The following PLCB1 variants were observed in gnomAD, a reference collection of about 807,000 sequenced individuals.
PLCB1 encodes the protein phospholipase C beta 1.
In PLCB1, 46 loss-of-function variants were observed where a neutral mutation model predicts 161.8. That is an observed-to-expected ratio of 0.28 (90% confidence interval 0.22 to 0.36). PLCB1 has a LOEUF of 0.36. Ranked by LOEUF, PLCB1 falls within the 10% of genes least tolerant of loss-of-function variation. The pLI is 1.00. For missense variants in PLCB1, 1,016 were observed against 1,472.5 expected (o/e 0.69, Z 5.07); for synonymous variants, 517 against 503.7 (o/e 1.03, Z -0.35).
chr20:8,190,821 C>A (rs1438039236), intron 2 of PLCB1, among the ~76,000 whole-genome samples: 1 of 152,098 alleles, frequency 6.6e-6, no homozygotes, highest in African/African-American at 2.4e-5. Context: ...GTGCAGTTCA[C>A]TCAAGGTCAT....
chr20:8,299,449 T>G (rs1983794121), intron 2 of PLCB1, among the ~76,000 whole-genome samples: 1 of 152,048 alleles, frequency 6.6e-6, no homozygotes, highest in Admixed American at 6.6e-5. Flanking sequence ...ACTCTCCCAT[T>G]CTCAATCAAC....
intron 2 of PLCB1, among the ~76,000 whole-genome samples, chr20:8,307,236 A>G (rs1984173287): frequency 6.6e-6 from 1 of 152,356 alleles, no homozygotes; most frequent in Non-Finnish European, 1.5e-5. Flanking sequence ...GGGTGCAGGC[A>G]GGGCATTCTG....
At chr20:8,416,267 G>A (rs895698540) in intron 3 of PLCB1, among the ~76,000 whole-genome samples, 2 of 152,140 alleles carry the variant, frequency 1.3e-5, no homozygotes, top group Non-Finnish European at 2.9e-5. Context: ...ATTTATTTAT[G>A]ATTATCTGAA....
At chr20:8,415,199 T>C (rs1979217161) in intron 3 of PLCB1, among the ~76,000 whole-genome samples, 1 of 152,214 alleles carries the variant, frequency 6.6e-6, no homozygotes, top group South Asian at 2.1e-4. Flanking sequence ...GATTGATCTG[T>C]TGATTTTCCC....
chr20:8,442,975 T>G (rs28480279), intron 3 of PLCB1, among the ~76,000 whole-genome samples: 190 of 130,218 alleles, frequency 1.5e-3, no homozygotes, highest in African/African-American at 3.2e-3. Flanking sequence ...GAGTTTCTTG[T>G]TTTTTTTTTT....
chr20:8,133,754 C>T (rs1027190913), intron 1 of PLCB1, among the ~76,000 whole-genome samples: 1 of 152,162 alleles, frequency 6.6e-6, no homozygotes, highest in Non-Finnish European at 1.5e-5. Context: ...ACCCGAGTTG[C>T]CAGGCTCTAA....
chr20:8,666,638 G>T (rs1989818816), intron 9 of PLCB1, among the ~76,000 whole-genome samples: 1 of 152,114 alleles, frequency 6.6e-6, no homozygotes, highest in Non-Finnish European at 1.5e-5. Flanking sequence ...TGTTTTCTTT[G>T]TCCCGCTACT....
intron 2 of PLCB1, among the ~76,000 whole-genome samples, chr20:8,153,120 A>G (rs1368905784): frequency 6.6e-6 from 1 of 152,148 alleles, no homozygotes; most frequent in Non-Finnish European, 1.5e-5. Flanking sequence ...AGGAATTAAA[A>G]ACTAAAGCTA....
At chr20:8,319,159 T>C (rs189598770) in intron 2 of PLCB1, among the ~76,000 whole-genome samples, 33 of 152,340 alleles carry the variant, frequency 2.2e-4, no homozygotes, top group African/African-American at 5.5e-4. Context: ...AAACCTAGTG[T>C]TGAAATCTTA....
intron 9 of PLCB1, among the ~76,000 whole-genome samples, chr20:8,682,484 CTT>C: frequency 6.6e-6 from 1 of 152,328 alleles, no homozygotes; most frequent in Middle Eastern, 3.4e-3. Context: ...CCAAAACAAA[CTT>C]TCCTTCTTAT....
Position 8,446,035 on chromosome 20 carries a change from G to A in PLCB1, c.246+74585G>A, listed in dbSNP as rs527334196. On this transcript the variant is annotated intron_variant, in intron 3 of 31. Coordinates refer to ENST00000338037, the MANE Select transcript of PLCB1 (RefSeq NM_015192.4). ...TTATTCCAATCAACAGAAAAAGAGG[G>A]AATCCTCCCTAACTCATTTTATGAG... Among the ~76,000 whole-genome samples, 45 of 152,182 alleles carry A rather than the reference G, an allele frequency of 3.0e-4. 1 individual carries two copies. In the South Asian group the frequency reaches 4.1e-3, roughly 14 times the overall value.
intron 3 of PLCB1, among the ~76,000 whole-genome samples, chr20:8,417,071 ATATTTTTTTTTTT>A (rs1370564230): frequency 1.2e-4 from 6 of 51,658 alleles, no homozygotes; most frequent in Non-Finnish European, 2.1e-4. Flanking sequence ...ATATATATAT[ATATTTTTTTTTTT>A]TTTTTTTTTT....
intron 3 of PLCB1, among the ~76,000 whole-genome samples, chr20:8,415,184 C>A (rs1979216678): frequency 6.6e-6 from 1 of 152,162 alleles, no homozygotes; most frequent in Non-Finnish European, 1.5e-5. Flanking sequence ...AAAACTTACC[C>A]TGCTGATTGA....
Position 8,768,421 on chromosome 20 carries a change from T to C in PLCB1, c.2930+3063T>C, listed in dbSNP as rs374046174. Among the ~76,000 whole-genome samples the C allele has an allele frequency of 1.9e-3, 292 of 152,222 alleles. 12 individuals carry two copies. The South Asian group carries it at 0.057, about 30-fold the overall frequency. ...TAATGACAGACACCAGGCATTAGATTCAGGTCCACCCTAATCCACCATGAC... is the reference window on the plus strand; with the variant it reads ...TAATGACAGACACCAGGCATTAGATCCAGGTCCACCCTAATCCACCATGAC... On this transcript the variant is annotated intron_variant, in intron 26 of 31. Coordinates refer to ENST00000338037, the MANE Select transcript of PLCB1 (RefSeq NM_015192.4).
intron 3 of PLCB1, among the ~76,000 whole-genome samples, chr20:8,452,448 C>T (rs1292374524): frequency 6.6e-6 from 1 of 152,168 alleles, no homozygotes; most frequent in Non-Finnish European, 1.5e-5. Flanking sequence ...TCATCAAGGT[C>T]TTCCTATGAA....
intron 9 of PLCB1, among the ~76,000 whole-genome samples, chr20:8,683,215 T>C (rs1432775746): frequency 1.3e-5 from 2 of 151,988 alleles, no homozygotes; most frequent in Non-Finnish European, 2.9e-5. Context: ...AAAAGAATTA[T>C]ACACACACAC....
At chr20:8,729,370 T>C (rs1980110815) in intron 18 of PLCB1, 196 bp downstream of exon 18, 1 of 385,390 alleles carries the variant, frequency 2.6e-6, no homozygotes, top group African/African-American at 2.1e-5. Context: ...AATTATTCTG[T>C]AAATGGATCT....
intron 2 of PLCB1, among the ~76,000 whole-genome samples, chr20:8,216,828 A>G (rs1600240267): frequency 6.6e-6 from 1 of 152,194 alleles, no homozygotes; most frequent in South Asian, 2.1e-4. Flanking sequence ...ACTCAAGTAC[A>G]TGGAGCTCTA....
chr20:8,630,086 T>G (rs1988536903), intron 4 of PLCB1, among the ~76,000 whole-genome samples: 1 of 91,764 alleles, frequency 1.1e-5, no homozygotes. Flanking sequence ...CTCTTTCTTG[T>G]TTTTTTTTTT....
Sources: allele counts gnomAD v4.1 joint callset (sites outside exome capture counted in the v4.1 genomes callset), GRCh38; gene constraint gnomAD v4.1.1; transcripts MANE v1.5; gene names NCBI Gene and HGNC (gene_info 2026-07-23, HGNC 2026-07-21).